Variants in SOBP observed in about 807,000 individuals in gnomAD.
SOBP encodes sine oculis-binding protein homolog.
Under a neutral mutation model 53.6 loss-of-function variants are expected in SOBP, and 4 were observed. The ratio of observed to expected loss-of-function variants is 0.07; its 90% CI spans 0.04 to 0.17. The LOEUF (loss-of-function observed/expected upper bound fraction) is 0.17. SOBP is among the 10% of genes least tolerant of loss of function. The pLI is 1.00. For synonymous variants in SOBP, 584 were observed against 522.6 expected, an observed-to-expected ratio of 1.12 and a Z score of -1.60; for missense variants, 1,088 against 1,204.7, an observed-to-expected ratio of 0.90 and a Z score of 1.43.
rs1165894537 is a variant in SOBP, at chr6:107,638,994, C to T, written c.*3+3525C>T. Among the ~76,000 whole-genome samples, 12 of 152,200 alleles carry T rather than the reference C, an allele frequency of 7.9e-5. No individual in the cohort carries two copies. In the South Asian group the frequency reaches 1.5e-3, roughly 18 times the overall value. On this transcript the variant is annotated intron_variant, in intron 6 of 6. Transcript: ENST00000317357. ...CTGGGCTCACTGCAACCTCTGCCTC[C>T]GGGGTTGAAGCAATTCTCCTGCCTC...
chr6:107,494,855 C>T (rs181449303), intron 1 of SOBP, among the ~76,000 whole-genome samples: 2 of 152,250 alleles, frequency 1.3e-5, no homozygotes, highest in African/African-American at 4.8e-5. Context: ...AGTTTGTTTT[C>T]TGATGGTCTC....
At chr6:107,526,983 A>T (rs1248286804) in intron 3 of SOBP, among the ~76,000 whole-genome samples, 1 of 152,252 alleles carries the variant, frequency 6.6e-6, no homozygotes, top group Non-Finnish European at 1.5e-5. Flanking sequence ...TTTAGGTACT[A>T]CAAAGACTCA....
intron 6 of SOBP, among the ~76,000 whole-genome samples, chr6:107,644,561 T>A (rs779527071): frequency 5.9e-5 from 9 of 152,300 alleles, no homozygotes; most frequent in Middle Eastern, 3.4e-3. Flanking sequence ...GCAGAATCCA[T>A]TTAAGCTTTG....
rs1381682580 is a variant in SOBP at position 107,650,151 on chromosome 6, T to C, written c.*4-8056T>C. 2.0e-5 allele frequency among the ~76,000 whole-genome samples: 3 copies of C among 152,336 alleles called. No homozygotes were observed. The East Asian group carries it at 5.8e-4, about 29-fold the overall frequency. On this transcript the variant is annotated intron_variant, in intron 6 of 6. Transcript: ENST00000317357. ...AAAACAAGGCCTTATAATTGGTTAA[T>C]TTTTATTGTTATTTTTATTTTATTT...
At chr6:107,506,528 C>A in intron 3 of SOBP, 101 bp downstream of exon 3, 1 of 1,312,342 alleles carries the variant, frequency 7.6e-7, no homozygotes, top group Non-Finnish European at 1.1e-6. Flanking sequence ...TTGGTAGAGG[C>A]TGTTTTAGGG....
At chr6:107,566,029 C>T (rs1364268982) in intron 4 of SOBP, among the ~76,000 whole-genome samples, 1 of 152,226 alleles carries the variant, frequency 6.6e-6, no homozygotes, top group Non-Finnish European at 1.5e-5. Context: ...ATCTGCCACT[C>T]TCAGAAATTA....
At chr6:107,581,662 G>A (rs2115052507) in intron 4 of SOBP, among the ~76,000 whole-genome samples, 1 of 152,360 alleles carries the variant, frequency 6.6e-6, no homozygotes, top group South Asian at 2.1e-4. Flanking sequence ...ATGCATTTGA[G>A]AAAGGAAGGC....
chr6:107,577,545 C>T (rs1323489293), intron 4 of SOBP, among the ~76,000 whole-genome samples: 1 of 152,166 alleles, frequency 6.6e-6, no homozygotes, highest in African/African-American at 2.4e-5. Context: ...TACCGAATGC[C>T]AGGAATACAG....
At chr6:107,585,823 T>G (rs1583240270) in intron 4 of SOBP, among the ~76,000 whole-genome samples, 1 of 152,202 alleles carries the variant, frequency 6.6e-6, no homozygotes, top group African/African-American at 2.4e-5. Flanking sequence ...TATGGATCTC[T>G]TTCTAAAATG....
chr6:107,499,933 T>C (rs1394270639), intron 1 of SOBP, among the ~76,000 whole-genome samples: 2 of 152,148 alleles, frequency 1.3e-5, no homozygotes. Flanking sequence ...ATGAAACACA[T>C]GTATATATAT....
intron 3 of SOBP, among the ~76,000 whole-genome samples, chr6:107,519,810 C>T (rs1783427225): frequency 6.6e-6 from 1 of 152,112 alleles, no homozygotes. Flanking sequence ...GCTCTTTCTG[C>T]TCCCTAGGTT....
intron 4 of SOBP, among the ~76,000 whole-genome samples, chr6:107,567,596 C>T (rs1261690321): frequency 6.6e-6 from 1 of 152,166 alleles, no homozygotes; most frequent in African/African-American, 2.4e-5. Context: ...GAAGAAGTTC[C>T]TCTAGAAAGA....
chr6:107,603,450 A>C lies in SOBP; in HGVS notation c.669+16275A>C, dbSNP rs568584317. ...TGGGCCTCCATGGGGTTGAACTGTA[A>C]ATAGTGGCCGCCACATAAAACATGC... is the stretch of plus-strand genomic sequence containing the variant. On this transcript the variant is annotated intron_variant, in intron 5 of 6. Coordinates refer to ENST00000317357, the MANE Select transcript of SOBP (RefSeq NM_018013.4). Among the ~76,000 whole-genome samples the C allele has an allele frequency of 9.2e-5, 14 of 152,338 alleles. No individual in the cohort carries two copies. The South Asian group carries it at 2.7e-3, about 29-fold the overall frequency.
intron 6 of SOBP, among the ~76,000 whole-genome samples, chr6:107,644,782 C>T (rs1771484934): frequency 1.3e-5 from 2 of 152,152 alleles, no homozygotes; most frequent in Non-Finnish European, 2.9e-5. Flanking sequence ...TTTTAAAATA[C>T]ACATGGGTTT....
intron 3 of SOBP, among the ~76,000 whole-genome samples, chr6:107,520,584 T>A (rs1410635351): frequency 6.6e-6 from 1 of 152,202 alleles, no homozygotes; most frequent in Non-Finnish European, 1.5e-5. Flanking sequence ...AGGATAATAC[T>A]TTCAGGATAC....
chr6:107,494,902 G>C (rs1056133515), intron 1 of SOBP, among the ~76,000 whole-genome samples: 1 of 152,154 alleles, frequency 6.6e-6, no homozygotes, highest in African/African-American at 2.4e-5. Context: ...CAATTGCACA[G>C]ACAATAAAGC....
chr6:107,598,749 T>A (rs892293197), intron 5 of SOBP, among the ~76,000 whole-genome samples: 1 of 152,154 alleles, frequency 6.6e-6, no homozygotes, highest in Non-Finnish European at 1.5e-5. Context: ...CAAAGACTTC[T>A]AACAGCTGGA....
intron 3 of SOBP, among the ~76,000 whole-genome samples, chr6:107,506,935 A>G (rs1783011939): frequency 6.6e-6 from 1 of 151,928 alleles, no homozygotes; most frequent in Admixed American, 6.6e-5. Flanking sequence ...CGGGCTAGTA[A>G]TTAGCTAGTA....
intron 4 of SOBP, among the ~76,000 whole-genome samples, chr6:107,580,547 G>C (rs1364559886): frequency 6.6e-6 from 1 of 152,208 alleles, no homozygotes; most frequent in African/African-American, 2.4e-5. Context: ...GACATGGATG[G>C]TAACCAAGGA....
Sources: gnomAD v4.1 joint callset for allele counts (sites outside exome capture counted in the v4.1 genomes callset) on GRCh38, gnomAD v4.1.1 for gene constraint, MANE v1.5 for transcripts, NCBI Gene and HGNC (gene_info 2026-07-23, HGNC 2026-07-21) for gene names.